Variants in CFAP20DC observed in about 807,000 individuals in gnomAD.
CFAP20DC encodes CFAP20 domain containing.
A neutral mutation model predicts 101.7 loss-of-function variants in CFAP20DC; 84 were observed. The observed-to-expected ratio is 0.83, with a 90% CI of 0.69 to 0.99. The LOEUF is 0.99. Ranked by LOEUF, CFAP20DC falls within the 50% of genes least tolerant of loss-of-function variation. CFAP20DC has a pLI of 0.00. For synonymous variants in CFAP20DC, 359 were observed against 351.2 expected (o/e 1.02, Z -0.25); for missense variants, 1,007 against 970.3 (o/e 1.04, Z -0.50).
intron 16 of CFAP20DC, among the ~76,000 whole-genome samples, chr3:58,746,651 T>C (rs968111451): frequency 1.3e-4 from 20 of 152,164 alleles, no homozygotes; most frequent in African/African-American, 4.3e-4. Flanking sequence ...CATATCACTA[T>C]AGAATGGGAC....
chr3:58,798,044 T>G, intron 15 of CFAP20DC, among the ~76,000 whole-genome samples: 1 of 152,200 alleles, frequency 6.6e-6, no homozygotes. Context: ...AATGAAGATG[T>G]ACAAGGAGAT....
At chr3:58,973,065 C>T (rs2092045065) in intron 4 of CFAP20DC, among the ~76,000 whole-genome samples, 1 of 152,296 alleles carries the variant, frequency 6.6e-6, no homozygotes, top group South Asian at 2.1e-4. Context: ...ATGTTAGCAG[C>T]TCCCAGGCTC....
intron 14 of CFAP20DC, among the ~76,000 whole-genome samples, chr3:58,824,243 C>T (rs2075885103): frequency 6.6e-6 from 1 of 152,070 alleles, no homozygotes; most frequent in African/African-American, 2.4e-5. Flanking sequence ...ATCTGTAGAT[C>T]AGAACAAATT....
rs546259574 is a variant in CFAP20DC, at chr3:58,893,075, G to A, written c.551-8366C>T. ...TTTTTTTTTTTTGAGATGGAGTCTC[G>A]CTCAGTCGCCCAGGCTGGAGTGCAG... On this transcript the variant is annotated intron_variant, in intron 6 of 16. Transcript: ENST00000482387. 6.2e-5 allele frequency among the ~76,000 whole-genome samples: 9 copies of A among 145,508 alleles called. No individual in the cohort carries two copies. In the East Asian group the frequency reaches 1.2e-3, roughly 19 times the overall value.
intron 4 of CFAP20DC, among the ~76,000 whole-genome samples, chr3:59,024,860 G>T (rs1299737192): frequency 6.6e-6 from 1 of 152,018 alleles, no homozygotes; most frequent in Non-Finnish European, 1.5e-5. Flanking sequence ...CTTGACCAAA[G>T]GAAAAAAACA....
intron 13 of CFAP20DC, among the ~76,000 whole-genome samples, chr3:58,843,226 G>C (rs2077310235): frequency 6.6e-6 from 1 of 152,006 alleles, no homozygotes; most frequent in Admixed American, 6.5e-5. Context: ...AGCTACGGGA[G>C]GACATTCAAA....
intron 14 of CFAP20DC, chr3:58,824,657 A>G (rs2107966565): frequency 6.6e-6 from 1 of 152,258 alleles, no homozygotes; most frequent in South Asian, 2.1e-4. Context: ...ACCATAAATA[A>G]CTTGTCTGAG....
intron 15 of CFAP20DC, among the ~76,000 whole-genome samples, chr3:58,782,400 C>T (rs923343217): frequency 6.6e-6 from 1 of 151,984 alleles, no homozygotes; most frequent in Non-Finnish European, 1.5e-5. Flanking sequence ...TTTTACCACT[C>T]CTGTTCAACG....
At chr3:59,031,569 A>C (rs1365567435) in intron 4 of CFAP20DC, among the ~76,000 whole-genome samples, 4 of 152,202 alleles carry the variant, frequency 2.6e-5, no homozygotes, top group Non-Finnish European at 5.9e-5. Flanking sequence ...CTGTTACTCT[A>C]AGAGCTATTT....
chr3:58,823,173 T>C (rs2075808010), intron 14 of CFAP20DC, among the ~76,000 whole-genome samples: 1 of 152,126 alleles, frequency 6.6e-6, no homozygotes, highest in Non-Finnish European at 1.5e-5. Context: ...AATAAATTTG[T>C]ATGTTTTTCT....
At chr3:58,804,429 C>A (rs567393867) in intron 15 of CFAP20DC, among the ~76,000 whole-genome samples, 1 of 145,910 alleles carries the variant, frequency 6.9e-6, no homozygotes, top group African/African-American at 2.5e-5. Flanking sequence ...GTTGTGTGAT[C>A]TCGGCCCACT....
intron 4 of CFAP20DC, among the ~76,000 whole-genome samples, chr3:59,025,858 CT>C (rs2093883300): frequency 6.6e-6 from 1 of 151,848 alleles, no homozygotes; most frequent in Admixed American, 6.6e-5. Flanking sequence ...TTTCTTTTAG[CT>C]TTGAACATGC....
chr3:58,996,513 T>C (rs905708357), intron 4 of CFAP20DC, among the ~76,000 whole-genome samples: 1 of 152,232 alleles, frequency 6.6e-6, no homozygotes, highest in African/African-American at 2.4e-5. Flanking sequence ...ACAAACTTCG[T>C]TATTTGCTTC....
At chr3:58,801,156 A>G (rs1196949835) in intron 15 of CFAP20DC, among the ~76,000 whole-genome samples, 3 of 152,144 alleles carry the variant, frequency 2.0e-5, no homozygotes, top group African/African-American at 7.2e-5. Context: ...TTTCAGCCAG[A>G]CCCGTGGGTT....
At chr3:58,736,461 A>G (rs1207434537) in intron 3 of CFAP20DC, among the ~76,000 whole-genome samples, 3 of 152,228 alleles carry the variant, frequency 2.0e-5, no homozygotes, top group African/African-American at 7.2e-5. Context: ...ATAGATTACT[A>G]AAACTCCATC....
At position 58,742,406 on chromosome 3, in the gene CFAP20DC, AAC is replaced by A; in HGVS notation, c.*52_*53del. The A allele has an allele frequency of 2.6e-6, 4 of 1,512,552 alleles. No homozygotes were observed. In the South Asian group the frequency reaches 5.6e-5, roughly 21 times the overall value. 93.7% of individuals were successfully genotyped at this position (1,512,552 alleles called of 1,614,324 possible). A position where few individuals can be genotyped will look rare whatever the true frequency, so the allele number is the denominator to read the frequency against. ...TGTGGTGACTCCTTAAGCGACCCTGAACTGCTATTCTGCTCCAGCTGGGAGTG... is the reference window on the plus strand; with the variant it reads ...TGTGGTGACTCCTTAAGCGACCCTGATGCTATTCTGCTCCAGCTGGGAGTG... On this transcript the variant is annotated 3_prime_UTR_variant, in exon 17 of 17. Coordinates refer to ENST00000482387, the MANE Select transcript of CFAP20DC (RefSeq NM_001394063.1).
downstream of CFAP20DC, among the ~76,000 whole-genome samples, chr3:58,740,475 C>G (rs967816001): frequency 3.3e-4 from 50 of 152,120 alleles, no homozygotes; most frequent in African/African-American, 1.1e-3. This position sits in a 1 kb window ranked among gnomAD's most constrained non-coding sequence, Gnocchi z 4.6. Flanking sequence ...CTATAGGGAT[C>G]TCTGGGGCTG....
chr3:58,811,928 T>A (rs1426422049), intron 14 of CFAP20DC, among the ~76,000 whole-genome samples: 2 of 152,130 alleles, frequency 1.3e-5, no homozygotes, highest in East Asian at 1.9e-4. Flanking sequence ...AAGAGACATT[T>A]ATGCAGCCAA....
At chr3:58,834,029 T>C (rs907928667) in intron 13 of CFAP20DC, among the ~76,000 whole-genome samples, 6 of 152,086 alleles carry the variant, frequency 3.9e-5, no homozygotes, top group African/African-American at 1.4e-4. Flanking sequence ...TAGCGGATGG[T>C]GGGGCTGGAG....
Sources: gnomAD v4.1 joint callset for allele counts (sites outside exome capture counted in the v4.1 genomes callset) on GRCh38, gnomAD v4.1.1 for gene constraint, Gnocchi (gnomAD v3.1) non-coding constraint, MANE v1.5 for transcripts, NCBI Gene and HGNC (gene_info 2026-07-23, HGNC 2026-07-21) for gene names.